KLHL5: variants seen among roughly 807,000 people sequenced by gnomAD.
KLHL5 encodes the protein kelch like family member 5.
In KLHL5, 48 loss-of-function variants were observed where a neutral mutation model predicts 77.7. That is an observed-to-expected ratio of 0.62 (90% CI 0.49 to 0.79). KLHL5 has a LOEUF of 0.79. Ranked by LOEUF, KLHL5 falls within the 30% of genes least tolerant of loss-of-function variation. The pLI is 0.00. For missense variants in KLHL5, 723 were observed against 859.7 expected (o/e 0.84, Z 1.99); for synonymous variants, 260 against 297.0 (o/e 0.88, Z 1.28).
intron 1 of KLHL5, among the ~76,000 whole-genome samples, chr4:39,069,505 C>T (rs1055543071): frequency 3.1e-5 from 4 of 129,396 alleles, no homozygotes; most frequent in African/African-American, 5.9e-5. Flanking sequence ...CACACACATA[C>T]ATATTTATAC....
intron 6 of KLHL5, among the ~76,000 whole-genome samples, chr4:39,098,555 G>A (rs570380697): frequency 6.6e-6 from 1 of 151,054 alleles, no homozygotes; most frequent in African/African-American, 2.4e-5. Context: ...CTATGAACCA[G>A]CGCACCGGGC....
chr4:39,077,729 A>G (rs1719212058), intron 2 of KLHL5, among the ~76,000 whole-genome samples: 1 of 151,854 alleles, frequency 6.6e-6, no homozygotes, highest in Admixed American at 6.6e-5. Flanking sequence ...AACAAACAAA[A>G]AAACTAAAAG....
At chr4:39,113,294 A>T (rs141265126) in intron 9 of KLHL5, 62 bp downstream of exon 9, 1 of 1,344,300 alleles carries the variant, frequency 7.4e-7, no homozygotes, top group African/African-American at 1.5e-5. Flanking sequence ...TGATACTTAC[A>T]TATATTTGGA....
chr4:39,072,635 G>A (rs1262918401), intron 1 of KLHL5, among the ~76,000 whole-genome samples: 1 of 152,208 alleles, frequency 6.6e-6, no homozygotes, highest in Non-Finnish European at 1.5e-5. Context: ...CATGGGGCTA[G>A]TGGCTACTGT....
At chr4:39,053,560 A>C (rs1461626498) in intron 1 of KLHL5, among the ~76,000 whole-genome samples, 1 of 152,106 alleles carries the variant, frequency 6.6e-6, no homozygotes, top group African/African-American at 2.4e-5. Flanking sequence ...GTGGTTTTCC[A>C]TCATTTTTTT....
At position 39,062,791 on chromosome 4, in the gene KLHL5, G is replaced by A. The variant is rs766385559; in HGVS notation, c.139G>A (p.Ala47Thr). ...ATTTTGGAACCGAGGACAGACTGGA[G>A]CAAACGGTGGGAGAAAGTTTTTAGA... ...GEFWNRGQTGANGGRKFLDPC... is the reference protein window; with the variant it reads ...GEFWNRGQTGTNGGRKFLDPC... The change falls in exon 1 of 11, where the codon GCA becomes ACA. Residue 47 changes from alanine (A) to threonine (T), a missense_variant. Transcript: ENST00000504108. 6.2e-6 allele frequency: 10 copies of A among 1,614,026 alleles called. No individual in the cohort carries two copies. The Admixed American group carries it at 1.5e-4, about 24-fold the overall frequency.
chr4:39,098,688 C>T (rs150339825), intron 6 of KLHL5, among the ~76,000 whole-genome samples: 129 of 149,834 alleles, frequency 8.6e-4, no homozygotes, highest in African/African-American at 2.9e-3. Flanking sequence ...CTCAGCCTCC[C>T]GAGTAGCTGG....
the KLHL5 span, among the ~76,000 whole-genome samples, chr4:39,135,074 A>G: frequency 6.6e-6 from 1 of 152,212 alleles, no homozygotes; most frequent in Non-Finnish European, 1.5e-5. Context: ...ATGTCCCATA[A>G]CAGAGGATTG....
At chr4:39,126,472 C>T (rs1272610342), downstream of KLHL5, among the ~76,000 whole-genome samples, 2 of 152,036 alleles carry the variant, frequency 1.3e-5, no homozygotes, top group Non-Finnish European at 2.9e-5. Flanking sequence ...GAAGAAATGC[C>T]GTATTGACAG....
chr4:39,080,333 C>A (rs1286763198), intron 2 of KLHL5, among the ~76,000 whole-genome samples: 1 of 151,926 alleles, frequency 6.6e-6, no homozygotes, highest in Admixed American at 6.6e-5. Context: ...TCAAGACCAA[C>A]CTGGCCATCA....
chr4:39,052,247 AG>A (rs2109251570), intron 1 of KLHL5, among the ~76,000 whole-genome samples: 1 of 152,034 alleles, frequency 6.6e-6, no homozygotes, highest in South Asian at 2.1e-4. Context: ...CAGCCTCCCG[AG>A]TAGCAGAGAT....
intron 5 of KLHL5, among the ~76,000 whole-genome samples, chr4:39,092,372 T>C (rs1720664340): frequency 6.6e-6 from 1 of 152,258 alleles, no homozygotes; most frequent in Non-Finnish European, 1.5e-5. Context: ...AGATACTATC[T>C]GTATATTAGG....
At chr4:39,048,835 G>A (rs1716410524) in intron 1 of KLHL5, among the ~76,000 whole-genome samples, 1 of 151,734 alleles carries the variant, frequency 6.6e-6, no homozygotes, top group South Asian at 2.1e-4. Flanking sequence ...GTAGAGACGG[G>A]GTTTCATCAT....
At chr4:39,067,163 A>G (rs1162653637) in intron 1 of KLHL5, among the ~76,000 whole-genome samples, 1 of 152,184 alleles carries the variant, frequency 6.6e-6, no homozygotes, top group Non-Finnish European at 1.5e-5. Flanking sequence ...ATCGCATTAC[A>G]TTAAATCATT....
chr4:39,114,935 C>T (rs149034255), intron 9 of KLHL5, among the ~76,000 whole-genome samples: 1 of 152,326 alleles, frequency 6.6e-6, no homozygotes, highest in Non-Finnish European at 1.5e-5. Flanking sequence ...TCAGTATTGA[C>T]ACTAGCTCCT....
In KLHL5 at chr4:39,125,687, G is replaced by A. The variant is rs558776448; in HGVS notation, c.*4621G>A. Reference sequence around the variant, plus strand: ...GAAAGCAGATAAATGGTTGTAAGAAGCTGAGAGAAAGGAGTGGGGAGAGAT... The same window carrying A: ...GAAAGCAGATAAATGGTTGTAAGAAACTGAGAGAAAGGAGTGGGGAGAGAT... On this transcript the variant is annotated 3_prime_UTR_variant, in exon 11 of 11. Transcript: ENST00000504108. Among the ~76,000 whole-genome samples the A allele has an allele frequency of 3.3e-5, 5 of 152,300 alleles. No homozygotes were observed. The South Asian group carries it at 6.2e-4, about 19-fold the overall frequency.
At chr4:39,102,205 A>G (rs1023505844) in intron 6 of KLHL5, among the ~76,000 whole-genome samples, 4 of 151,786 alleles carry the variant, frequency 2.6e-5, no homozygotes, top group African/African-American at 9.7e-5. Context: ...ATAATTCTAT[A>G]AGGCTAGCGC....
chr4:39,129,756 G>A (rs1388624512), downstream of KLHL5, among the ~76,000 whole-genome samples: 3 of 152,082 alleles, frequency 2.0e-5, no homozygotes, highest in African/African-American at 4.8e-5. The surrounding 1 kb of genome is among the most constrained non-coding windows in gnomAD (Gnocchi z 4.2). Flanking sequence ...CAATATTTGG[G>A]TTGTGGAGAA....
At chr4:39,088,665 A>C (rs1169535767) in intron 5 of KLHL5, among the ~76,000 whole-genome samples, 1 of 152,174 alleles carries the variant, frequency 6.6e-6, no homozygotes, top group Non-Finnish European at 1.5e-5. Context: ...AGATACATGA[A>C]TGTGGCATTC....
Sources: allele counts gnomAD v4.1 joint callset (sites outside exome capture counted in the v4.1 genomes callset), GRCh38; gene constraint gnomAD v4.1.1; non-coding constraint Gnocchi (gnomAD v3.1); transcripts MANE v1.5; gene names NCBI Gene and HGNC (gene_info 2026-07-23, HGNC 2026-07-21).